The following MYBL2 variants were observed in gnomAD, a reference collection of about 807,000 sequenced individuals.
MYBL2 encodes the protein MYB proto-oncogene like 2, also known as myb-related protein B.
MYBL2 carries 28 observed loss-of-function variants against 79.9 expected under a neutral mutation model. The ratio of observed to expected loss-of-function variants is 0.35; its 90% CI spans 0.26 to 0.48. MYBL2 has a LOEUF of 0.48. MYBL2 is among the 20% of genes least tolerant of loss of function. MYBL2 has a pLI of 0.99. For synonymous variants in MYBL2, 378 were observed against 361.2 expected (o/e 1.05, Z -0.53); for missense variants, 735 against 893.9 (o/e 0.82, Z 2.27).
At chr20:43,713,279 TC>T (rs1987953386) in intron 12 of MYBL2, among the ~76,000 whole-genome samples, 173 bp downstream of exon 12, 2 of 152,250 alleles carry the variant, frequency 1.3e-5, no homozygotes, top group South Asian at 4.1e-4. Flanking sequence ...TCTGCTTGTC[TC>T]TCACAGAAGG....
intron 7 of MYBL2, among the ~76,000 whole-genome samples, chr20:43,702,267 C>T (rs777897681): frequency 6.6e-5 from 10 of 152,106 alleles, no homozygotes; most frequent in Non-Finnish European, 1.3e-4. Context: ...CTACTGTACT[C>T]CAGCGTAGGC....
At chr20:43,710,145 T>C in intron 10 of MYBL2, 83 bp downstream of exon 10, 1 of 1,118,874 alleles carries the variant, frequency 8.9e-7, no homozygotes, top group East Asian at 2.7e-5. Flanking sequence ...CACAGGACCC[T>C]TCCCTCTGAG....
chr20:43,673,389 C>T (rs1986913883), intron 1 of MYBL2, among the ~76,000 whole-genome samples: 2 of 151,812 alleles, frequency 1.3e-5, no homozygotes, highest in South Asian at 4.2e-4. Flanking sequence ...ATAGTCCCAA[C>T]ACTTTGGGAG....
chr20:43,707,858 TCTC>T (rs1374000422), intron 9 of MYBL2, among the ~76,000 whole-genome samples: 10 of 152,208 alleles, frequency 6.6e-5, no homozygotes, highest in East Asian at 1.9e-4. Flanking sequence ...GTCTGCCCCT[TCTC>T]CTACCTTAGG....
At position 43,710,044 on chromosome 20, in the gene MYBL2, C is replaced by A. The variant is rs768925904; in HGVS notation, c.1587C>A (p.Tyr529Ter). The A allele has an allele frequency of 1.2e-6, 2 of 1,606,666 alleles. No individual in the cohort carries two copies. Among genetic ancestry groups the A allele is most frequent in the African/African-American group, 2.7e-5 (2 of 74,870 alleles). The change falls in exon 10 of 14, where the codon TAC becomes TAA. Residue 529 changes from tyrosine to a stop codon, truncating the protein, a stop_gained. Coordinates refer to ENST00000217026, the MANE Select transcript of MYBL2 (RefSeq NM_002466.4). LOFTEE classifies it high-confidence loss of function. ...CGTTCAAGAACGCCCTGGAGAAGTACGGACCCCTGAAGCCCCTGGTACGTG... is the reference window on the plus strand; with the variant it reads ...CGTTCAAGAACGCCCTGGAGAAGTAAGGACCCCTGAAGCCCCTGGTACGTG... ...PTPFKNALEK[Y>*]GPLKPLPQTP...
chr20:43,710,402 A>C (rs935343719), intron 10 of MYBL2, among the ~76,000 whole-genome samples: 5 of 152,162 alleles, frequency 3.3e-5, no homozygotes, highest in African/African-American at 9.7e-5. Context: ...TAGTTCAGAG[A>C]AGTGGCAAAT....
In MYBL2 at chr20:43,700,000, G is replaced by T. The variant is rs750308436; in HGVS notation, c.907G>T (p.Ala303Ser). The T allele has an allele frequency of 8.7e-6, 14 of 1,613,952 alleles. No homozygotes were observed. The East Asian group carries it at 3.1e-4, about 36-fold the overall frequency. ...GGAGGCAGCTAACCTCCTCATCCCTGCTGTGGGTTCTAGCCTCTCTGAAGC... is the reference window on the plus strand; with the variant it reads ...GGAGGCAGCTAACCTCCTCATCCCTTCTGTGGGTTCTAGCCTCTCTGAAGC... ...VVEAANLLIP[A>S]VGSSLSEALD... is the part of the protein sequence containing the mutation. Residue 303 changes from alanine to serine, a missense_variant, in exon 7 of 14, where the codon GCT becomes TCT. Ala to Ser is a moderately conservative substitution (Grantham distance 99). Around this residue, in one of 5 missense-constraint regions of MYBL2, gnomAD observed 243 missense variants for 327.2 expected, o/e 0.74. Coordinates refer to ENST00000217026, the MANE Select transcript of MYBL2 (RefSeq NM_002466.4).
At chr20:43,709,411 T>C (rs1568878653) in intron 9 of MYBL2, among the ~76,000 whole-genome samples, 1 of 152,234 alleles carries the variant, frequency 6.6e-6, no homozygotes, top group East Asian at 1.9e-4. Flanking sequence ...GGTCTACATC[T>C]GATAGAAGCA....
At position 43,715,214 on chromosome 20, in the gene MYBL2, C is replaced by T; in HGVS notation, c.1905C>T (p.Phe635=). ...KEDNSLLNQG[F]LQAKPEKAAV... ...ACAACAGCTTGCTCAACCAGGGCTT[C>T]TTGCAGGCCAAGCCCGAGAAGGCAG... Residue 635 remains phenylalanine, a synonymous_variant, in exon 13 of 14, where the codon TTC becomes TTT. Coordinates refer to ENST00000217026, the MANE Select transcript of MYBL2 (RefSeq NM_002466.4). 6.2e-7 allele frequency: 1 copy of T among 1,614,280 alleles called. No individual in the cohort carries two copies. Among genetic ancestry groups the T allele is most frequent in the Non-Finnish European group, 8.5e-7 (1 of 1,180,056 alleles).
At chr20:43,686,094 C>G (rs1987267700) in intron 4 of MYBL2, among the ~76,000 whole-genome samples, 1 of 151,404 alleles carries the variant, frequency 6.6e-6, no homozygotes, top group African/African-American at 2.4e-5. Flanking sequence ...AAAAAAAAAT[C>G]AAAGTGATAT....
chr20:43,691,412 C>G (rs2145720996), intron 5 of MYBL2, among the ~76,000 whole-genome samples: 1 of 152,214 alleles, frequency 6.6e-6, no homozygotes, highest in African/African-American at 2.4e-5. Flanking sequence ...ACCTCCACCT[C>G]CCGGGTTTAA....
Position 43,705,285 on chromosome 20 carries a change from G to T in MYBL2, c.1432G>T (p.Val478Leu). 1.2e-6 allele frequency: 2 copies of T among 1,614,122 alleles called. No individual in the cohort carries two copies. Among genetic ancestry groups the T allele is most frequent in the Non-Finnish European group, 1.7e-6 (2 of 1,180,004 alleles). The change falls in exon 9 of 14, where the codon GTG (valine) becomes TTG (leucine). Residue 478 changes from valine to leucine, a missense_variant. Physicochemically the swap from Val to Leu is conservative, Grantham distance 32. Around this residue, in one of 5 missense-constraint regions of MYBL2, gnomAD observed 243 missense variants for 327.2 expected, o/e 0.74. Transcript: ENST00000217026. The stretch of plus-strand genomic sequence containing the variant: ...GAGCCCCTCGCTGACATCCACCCCA[G>T]TGTGCAGCCAGAAGGTGGTGGTCAC... The part of the protein sequence containing the change: ...LESPSLTSTP[V>L]CSQKVVVTTP...
At chr20:43,668,941 A>G (rs1478938785) in intron 1 of MYBL2, among the ~76,000 whole-genome samples, 1 of 151,932 alleles carries the variant, frequency 6.6e-6, no homozygotes. Flanking sequence ...ATCTCGGCTC[A>G]CTGCAGCCTC....
chr20:43,692,456 G>A (rs1987436193), intron 6 of MYBL2, 137 bp downstream of exon 6: 2 of 1,065,278 alleles, frequency 1.9e-6, no homozygotes, highest in South Asian at 1.7e-5. Flanking sequence ...CTGGGGCCTT[G>A]TGAGACTTCT....
At chr20:43,678,366 G>C (rs185491361) in intron 2 of MYBL2, among the ~76,000 whole-genome samples, 7 of 152,156 alleles carry the variant, frequency 4.6e-5, no homozygotes, top group African/African-American at 1.2e-4. Flanking sequence ...CACTGGGGCT[G>C]ATTCCTCGAG....
intron 9 of MYBL2, among the ~76,000 whole-genome samples, chr20:43,706,176 A>G (rs906210242): frequency 2.6e-5 from 4 of 152,202 alleles, no homozygotes; most frequent in Non-Finnish European, 5.9e-5. Flanking sequence ...AATTAGCCTG[A>G]AAAACATAAT....
At chr20:43,669,788 A>G (rs1986815053) in intron 1 of MYBL2, among the ~76,000 whole-genome samples, 1 of 152,192 alleles carries the variant, frequency 6.6e-6, no homozygotes, top group Admixed American at 6.6e-5. Context: ...AAAGTATATC[A>G]TCTCACAGAA....
In MYBL2 at chr20:43,712,712, G is replaced by A. The variant is rs113427675; in HGVS notation, c.1720-290G>A. ...AGGGGCTGTGTCTGGTCCATTCGGG[G>A]TGAGAACAGGTCACTTCGTGGTGGA... On this transcript the variant is annotated intron_variant, in intron 11 of 13. Transcript: ENST00000217026. Among the ~76,000 whole-genome samples the A allele has an allele frequency of 7.8e-3, 1,181 of 152,256 alleles. 8 individuals are homozygous for A. Among genetic ancestry groups the A allele is most frequent in the African/African-American group, 0.027 (1,109 of 41,536 alleles).
intron 2 of MYBL2, among the ~76,000 whole-genome samples, chr20:43,679,445 A>G (rs1987094133): frequency 6.6e-6 from 1 of 152,122 alleles, no homozygotes; most frequent in Non-Finnish European, 1.5e-5. Flanking sequence ...ATTGTTTTGC[A>G]AAAGATCTCT....
Sources: allele counts gnomAD v4.1 joint callset (sites outside exome capture counted in the v4.1 genomes callset), GRCh38; gene constraint gnomAD v4.1.1; regional missense constraint gnomAD v4.1.1; transcripts MANE v1.5; gene names NCBI Gene and HGNC (gene_info 2026-07-23, HGNC 2026-07-21).